SLC35B4: variants seen among roughly 807,000 people sequenced by gnomAD.
SLC35B4 encodes the protein solute carrier family 35 member B4, also known as nucleotide sugar transporter SLC35B4.
A neutral mutation model predicts 39.5 loss-of-function variants in SLC35B4; 28 were observed. The ratio of observed to expected loss-of-function variants is 0.71; its 90% CI spans 0.53 to 0.97. The LOEUF (loss-of-function observed/expected upper bound fraction) is 0.97. SLC35B4 is among the 50% of genes least tolerant of loss of function. SLC35B4 has a pLI of 0.00. For synonymous variants in SLC35B4, 145 were observed against 150.4 expected, an observed-to-expected ratio of 0.96 and a Z score of 0.26; for missense variants, 334 against 414.3, an observed-to-expected ratio of 0.81 and a Z score of 1.68.
rs1210474519 is a variant in SLC35B4, at chr7:134,291,137, G to A, written c.*3696C>T. ...ATGGTGGTAGAGATTCTCAAATAGA[G>A]AAGGGAATGGTGGTAGAGATTCTCA... is the stretch of plus-strand genomic sequence containing the variant. On this transcript the variant is annotated 3_prime_UTR_variant, in exon 10 of 10. Coordinates refer to ENST00000378509, the MANE Select transcript of SLC35B4 (RefSeq NM_032826.5). 3.9e-5 allele frequency: 6 copies of A among 152,158 alleles called. No individual in the cohort carries two copies. Among genetic ancestry groups the A allele is most frequent in the African/African-American group, 1.2e-4 (5 of 41,442 alleles). The allele number at this position is 152,158 out of a possible 1,614,324, so 9.4% of individuals were successfully genotyped here.
intron 3 of SLC35B4, among the ~76,000 whole-genome samples, 159 bp downstream of exon 3, chr7:134,306,513 C>CTTAG (rs1803712874): frequency 2.4e-5 from 1 of 41,164 alleles, no homozygotes. Context: ...CTCTTTTTGC[C>CTTAG]TTCTCAGATG....
chr7:134,294,746 T>A lies in SLC35B4; in HGVS notation c.*87A>T. 6.5e-7 allele frequency: 1 copy of A among 1,539,344 alleles called. No individual in the cohort carries two copies. ...CGGCTGGCTCAGCACTGCGGGTAGC[T>A]CGGCATTAACAAAAGCGAAACGGTG... is the stretch of plus-strand genomic sequence containing the variant. On this transcript the variant is annotated 3_prime_UTR_variant, in exon 10 of 10. Transcript: ENST00000378509.
intron 3 of SLC35B4, among the ~76,000 whole-genome samples, chr7:134,305,487 T>C (rs1315663781): frequency 6.6e-6 from 1 of 152,126 alleles, no homozygotes; most frequent in Non-Finnish European, 1.5e-5. Flanking sequence ...AAAATTTGCA[T>C]ATTTGTGGAC....
intron 1 of SLC35B4, among the ~76,000 whole-genome samples, chr7:134,310,749 G>C (rs1420443923): frequency 6.6e-6 from 1 of 151,920 alleles, no homozygotes; most frequent in Non-Finnish European, 1.5e-5. Flanking sequence ...GCGTTTCACT[G>C]TGTTAGCCAG....
Position 134,296,367 on chromosome 7 carries a change from G to T in SLC35B4, c.749+24C>A, listed in dbSNP as rs553349067. On this transcript the variant is annotated intron_variant, in intron 9 of 9. Transcript: ENST00000378509. ...AAAAGAACCTGATGATGACATAAGG[G>T]TGACGGCACAGTCCAAAGGATACTG... is the stretch of plus-strand genomic sequence containing the variant. The T allele has an allele frequency of 1.6e-5, 26 of 1,598,322 alleles. No homozygotes were observed. In the South Asian group the frequency reaches 2.6e-4, roughly 16 times the overall value.
chr7:134,295,795 A>G (rs1803453379), intron 9 of SLC35B4, among the ~76,000 whole-genome samples: 1 of 152,128 alleles, frequency 6.6e-6, no homozygotes, highest in African/African-American at 2.4e-5. Context: ...AAAAAATCAC[A>G]GGTACAAATC....
At chr7:134,320,150 C>G (rs920964545), upstream of SLC35B4, among the ~76,000 whole-genome samples, 1 of 152,354 alleles carries the variant, frequency 6.6e-6, no homozygotes, top group Non-Finnish European at 1.5e-5. Context: ...CACTGTATTT[C>G]TCACTCAGGT....
chr7:134,300,410 A>T, intron 6 of SLC35B4, 149 bp from the exon 7 acceptor site: 1 of 550,146 alleles, frequency 1.8e-6, no homozygotes, highest in Non-Finnish European at 3.1e-6. Context: ...AAAATACATT[A>T]TTACCATCTA....
At chr7:134,300,449 T>C (rs1417598979) in intron 6 of SLC35B4, among the ~76,000 whole-genome samples, 188 bp from the exon 7 acceptor site, 3 of 152,218 alleles carry the variant, frequency 2.0e-5, no homozygotes, top group Non-Finnish European at 4.4e-5. Flanking sequence ...CATCTTCTTA[T>C]ATATTCATTT....
intron 8 of SLC35B4, among the ~76,000 whole-genome samples, chr7:134,298,923 C>G (rs755965640): frequency 2.0e-5 from 3 of 152,218 alleles, no homozygotes; most frequent in Non-Finnish European, 2.9e-5. Context: ...TCAGATCATA[C>G]AAGTGATCCC....
At chr7:134,308,236 T>A (rs1426939843) in intron 2 of SLC35B4, among the ~76,000 whole-genome samples, 1 of 152,080 alleles carries the variant, frequency 6.6e-6, no homozygotes, top group Non-Finnish European at 1.5e-5. Flanking sequence ...GATAAAACGA[T>A]ATTAAGTGAA....
At chr7:134,302,390 T>A (rs1803603513) in intron 4 of SLC35B4, among the ~76,000 whole-genome samples, 1 of 152,202 alleles carries the variant, frequency 6.6e-6, no homozygotes, top group Non-Finnish European at 1.5e-5. Flanking sequence ...ATAGACCAGA[T>A]GTGATGTTGC....
intron 2 of SLC35B4, 145 bp from the exon 3 acceptor site, chr7:134,306,919 T>G: frequency 1.8e-6 from 1 of 549,458 alleles, no homozygotes; most frequent in Non-Finnish European, 3.2e-6. Flanking sequence ...CCATGTCAAC[T>G]ACTAAGTACA....
upstream of SLC35B4, among the ~76,000 whole-genome samples, chr7:134,319,471 C>G (rs1804061884): frequency 6.6e-6 from 1 of 152,176 alleles, no homozygotes; most frequent in Non-Finnish European, 1.5e-5. Flanking sequence ...TTAATGGGCT[C>G]TCCTCCTCTG....
In SLC35B4 at chr7:134,301,219, A is replaced by T. The variant is rs537141384; in HGVS notation, c.487+542T>A. 2.8e-4 allele frequency among the ~76,000 whole-genome samples: 42 copies of T among 152,292 alleles called. 1 individual carries two copies. Among genetic ancestry groups the T allele is most frequent in the Non-Finnish European group, 7.4e-5 (5 of 68,018 alleles). On this transcript the variant is annotated intron_variant, in intron 6 of 9. Transcript: ENST00000378509. ...CCCTTGGAACGAGTCTCAGCTCCAT[A>T]TCAAAAAATGTGAGAACAAAGCTCT... is the stretch of plus-strand genomic sequence containing the variant.
chr7:134,308,364 A>G (rs1803757526), intron 2 of SLC35B4, among the ~76,000 whole-genome samples: 1 of 152,096 alleles, frequency 6.6e-6, no homozygotes, highest in African/African-American at 2.4e-5. Context: ...ATGGGGAGAG[A>G]TAGTGGGAAG....
chr7:134,290,279 C>G lies in SLC35B4; in HGVS notation c.*4554G>C, dbSNP rs1224083533. 6.6e-6 allele frequency: 1 copy of G among 152,186 alleles called. No individual in the cohort carries two copies. The highest frequency in any genetic ancestry group is 1.5e-5 in the Non-Finnish European group (1 of 68,034). 9.4% of individuals were successfully genotyped at this position (152,186 alleles called of 1,614,324 possible). A position where few individuals can be genotyped will look rare whatever the true frequency, so the allele number is the denominator to read the frequency against. ...GGTGTACCTCCTCCCAATAGTCGTTCTTCCTTCTCTTGCTTGGAATGTTAA... is the reference window on the plus strand; with the variant it reads ...GGTGTACCTCCTCCCAATAGTCGTTGTTCCTTCTCTTGCTTGGAATGTTAA... On this transcript the variant is annotated 3_prime_UTR_variant, in exon 10 of 10. Transcript: ENST00000378509.
chr7:134,308,445 G>T (rs1433465748), intron 2 of SLC35B4, among the ~76,000 whole-genome samples: 1 of 152,100 alleles, frequency 6.6e-6, no homozygotes, highest in Non-Finnish European at 1.5e-5. Context: ...GGTCTTTAGG[G>T]GCAGAAAGTT....
chr7:134,308,914 AC>A (rs2117310676), intron 2 of SLC35B4, among the ~76,000 whole-genome samples: 1 of 152,378 alleles, frequency 6.6e-6, no homozygotes, highest in African/African-American at 2.4e-5. Context: ...CATAAAATTA[AC>A]CATTTTAAAG....
Sources: gnomAD v4.1 joint callset for allele counts (sites outside exome capture counted in the v4.1 genomes callset) on GRCh38, gnomAD v4.1.1 for gene constraint, MANE v1.5 for transcripts, NCBI Gene and HGNC (gene_info 2026-07-23, HGNC 2026-07-21) for gene names.